NXPE2: variants seen among roughly 807,000 people sequenced by gnomAD.
The protein encoded by NXPE2 is NXPE family member 2.
NXPE2 carries 34 observed loss-of-function variants against 34.4 expected under a neutral mutation model. That is an observed-to-expected ratio of 0.99 (90% CI 0.75 to 1.31). The LOEUF is 1.31. Ranked by LOEUF, NXPE2 falls within the 40% of genes most tolerant of loss-of-function variation. The probability of loss-of-function intolerance (pLI) is 0.00; values close to 1 mark genes in which losing one functional copy is unlikely to be tolerated. For missense variants in NXPE2, 649 were observed against 672.5 expected (o/e 0.97, Z 0.39); for synonymous variants, 235 against 231.3 (o/e 1.02, Z -0.15).
the NXPE2 span, among the ~76,000 whole-genome samples, chr11:114,625,969 G>T: frequency 5.3e-5 from 8 of 151,488 alleles, no homozygotes; most frequent in Admixed American, 2.6e-4. Context: ...TTTTCCGATG[G>T]GCTTAAAAAA....
At chr11:114,682,485 G>T (rs1950965574) in intron 2 of NXPE2, among the ~76,000 whole-genome samples, 1 of 152,178 alleles carries the variant, frequency 6.6e-6, no homozygotes, top group Non-Finnish European at 1.5e-5. Context: ...CAGGCCTGAA[G>T]ATGAGGCTTT....
At chr11:114,760,978 G>C in the NXPE2 span, among the ~76,000 whole-genome samples, 1 of 152,112 alleles carries the variant, frequency 6.6e-6, no homozygotes, top group East Asian at 1.9e-4. Flanking sequence ...ATGAAGATGT[G>C]TTTTGTTTCT....
chr11:114,723,221 T>G, the NXPE2 span, among the ~76,000 whole-genome samples: 2 of 152,108 alleles, frequency 1.3e-5, no homozygotes, highest in Admixed American at 1.3e-4. Flanking sequence ...AACTGAGCAG[T>G]CAGCACATGG....
At chr11:114,562,784 G>A in the NXPE2 span, among the ~76,000 whole-genome samples, 2 of 152,112 alleles carry the variant, frequency 1.3e-5, no homozygotes, top group Non-Finnish European at 2.9e-5. Flanking sequence ...GATAAGGCTC[G>A]ATCTGTGGTT....
the NXPE2 span, among the ~76,000 whole-genome samples, chr11:114,607,433 G>A: frequency 1.2e-3 from 178 of 151,342 alleles, no homozygotes; most frequent in African/African-American, 3.2e-3. Context: ...GTATTTCCTC[G>A]TGGGAAACCA....
At chr11:114,627,067 T>C in the NXPE2 span, among the ~76,000 whole-genome samples, 19 of 151,010 alleles carry the variant, frequency 1.3e-4, no homozygotes, top group East Asian at 2.5e-3. Flanking sequence ...AGTGACGGGG[T>C]GAATGGAACC....
At chr11:114,534,009 A>T in the NXPE2 span, among the ~76,000 whole-genome samples, 1 of 152,118 alleles carries the variant, frequency 6.6e-6, no homozygotes, top group South Asian at 2.1e-4. Context: ...CCTGACCCCC[A>T]AGTAGCCTAA....
the NXPE2 span, among the ~76,000 whole-genome samples, chr11:114,575,814 TACC>T: frequency 6.6e-6 from 1 of 152,108 alleles, no homozygotes; most frequent in African/African-American, 2.4e-5. Flanking sequence ...TTCTTCAAAA[TACC>T]ACCATCATTC....
the NXPE2 span, among the ~76,000 whole-genome samples, chr11:114,558,374 T>C: frequency 6.6e-6 from 1 of 152,264 alleles, no homozygotes; most frequent in South Asian, 2.1e-4. Flanking sequence ...GAAGTGGCCA[T>C]ATTGGGTACG....
At chr11:114,764,802 T>C in the NXPE2 span, among the ~76,000 whole-genome samples, 1 of 152,134 alleles carries the variant, frequency 6.6e-6, no homozygotes, top group Admixed American at 6.5e-5. Context: ...CATCAAAAGT[T>C]TCTATCTCAC....
the NXPE2 span, among the ~76,000 whole-genome samples, chr11:114,564,130 G>T: frequency 6.6e-6 from 1 of 152,134 alleles, no homozygotes; most frequent in South Asian, 2.1e-4. Flanking sequence ...GCCATAAAAA[G>T]GAAGGAAATA....
At chr11:114,556,962 GGCTCACT>G in the NXPE2 span, among the ~76,000 whole-genome samples, 128 of 148,280 alleles carry the variant, frequency 8.6e-4, no homozygotes, top group African/African-American at 3.0e-3. Context: ...GCACTATCTT[GGCTCACT>G]GCAACCTCTG....
chr11:114,678,361 G>T (rs1186804672), upstream of NXPE2: 1 of 449,726 alleles, frequency 2.2e-6, no homozygotes, highest in Admixed American at 3.8e-5. Flanking sequence ...GCTTCCTCAT[G>T]GCTTTTTCCT....
chr11:114,582,656 C>T, the NXPE2 span: 1 of 1,614,196 alleles, frequency 6.2e-7, no homozygotes, highest in Non-Finnish European at 8.5e-7. Flanking sequence ...AGTCAGTCAC[C>T]TTTCCTGAAG....
At chr11:114,810,841 T>G in the NXPE2 span, among the ~76,000 whole-genome samples, 1 of 152,158 alleles carries the variant, frequency 6.6e-6, no homozygotes, top group Non-Finnish European at 1.5e-5. Context: ...TTACTGGGTA[T>G]ATACCCAAAG....
chr11:114,594,007 A>AC, the NXPE2 span, among the ~76,000 whole-genome samples: 2 of 152,090 alleles, frequency 1.3e-5, no homozygotes, highest in Non-Finnish European at 2.9e-5. Context: ...GAGTAGAATG[A>AC]TGGCTACCAG....
chr11:114,716,034 C>T, the NXPE2 span, among the ~76,000 whole-genome samples: 2 of 152,162 alleles, frequency 1.3e-5, no homozygotes, highest in Non-Finnish European at 2.9e-5. Flanking sequence ...CCTGGCAATA[C>T]GACCAATTTA....
downstream of NXPE2, among the ~76,000 whole-genome samples, chr11:114,711,474 A>G (rs1859611054): frequency 6.6e-6 from 1 of 152,166 alleles, no homozygotes; most frequent in Non-Finnish European, 1.5e-5. Flanking sequence ...TTTCTATACC[A>G]ATGACCAATT....
chr11:114,702,418 T>A (rs925092114), intron 3 of NXPE2, among the ~76,000 whole-genome samples: 2 of 152,118 alleles, frequency 1.3e-5, no homozygotes, highest in Non-Finnish European at 2.9e-5. Flanking sequence ...CTGAGAAAGG[T>A]ATGGGAGAAT....
Sources: gnomAD v4.1 joint callset for allele counts (sites outside exome capture counted in the v4.1 genomes callset) on GRCh38, gnomAD v4.1.1 for gene constraint, MANE v1.5 for transcripts, NCBI Gene and HGNC (gene_info 2026-07-23, HGNC 2026-07-21) for gene names.